TRERF1: variants seen among roughly 807,000 people sequenced by gnomAD.
The protein encoded by TRERF1 is transcriptional-regulating factor 1.
In TRERF1, 27 loss-of-function variants were observed where a neutral mutation model predicts 122.9. The observed-to-expected ratio is 0.22, with a 90% CI of 0.16 to 0.30. The LOEUF (loss-of-function observed/expected upper bound fraction) is 0.30. Among genes scored for constraint, TRERF1 ranks in the 10% least tolerant of loss-of-function variants. The pLI is 1.00. For missense variants in TRERF1, 1,248 were observed against 1,560.3 expected (o/e 0.80, Z 3.37); for synonymous variants, 636 against 641.7 (o/e 0.99, Z 0.13).
chr6:42,296,047 C>A (rs1243380356), intron 4 of TRERF1, among the ~76,000 whole-genome samples: 1 of 152,062 alleles, frequency 6.6e-6, no homozygotes, highest in African/African-American at 2.4e-5. Flanking sequence ...AGCAGTAATG[C>A]CATCCCTTGA....
chr6:42,365,491 C>T (rs1236935568), intron 2 of TRERF1, among the ~76,000 whole-genome samples: 2 of 152,178 alleles, frequency 1.3e-5, no homozygotes, highest in Non-Finnish European at 2.9e-5. Context: ...CCTAATCCCT[C>T]CCAGTCACAA....
chr6:42,434,900 G>A (rs1433620988), intron 2 of TRERF1, among the ~76,000 whole-genome samples: 2 of 152,108 alleles, frequency 1.3e-5, no homozygotes, highest in Non-Finnish European at 2.9e-5. Context: ...GGCCAAGGCG[G>A]GCGGATCACC....
rs150908395 is a variant in TRERF1 at position 42,228,534 on chromosome 6, G to C, written c.3414C>G (p.Pro1138=). Residue 1138 remains proline, a synonymous_variant, in exon 18 of 18, where the codon CCC becomes CCG. Transcript: ENST00000372922. This position sits in a 1 kb window ranked among gnomAD's most constrained non-coding sequence, Gnocchi z 4.2. ...GGGGCAGCAGCCCCGGCGCCCCCACGGGCCCCGTAGTCCTCTCAATCGTGG... is the reference window on the plus strand; with the variant it reads ...GGGGCAGCAGCCCCGGCGCCCCCACCGGCCCCGTAGTCCTCTCAATCGTGG... 436 of 1,614,134 alleles carry C rather than the reference G, an allele frequency of 2.7e-4. No individual in the cohort carries two copies. In the Middle Eastern group the frequency reaches 3.8e-3, roughly 14 times the overall value.
At chr6:42,270,184 T>C (rs1339396558) in intron 4 of TRERF1, among the ~76,000 whole-genome samples, 1 of 150,976 alleles carries the variant, frequency 6.6e-6, no homozygotes, top group South Asian at 2.1e-4. Flanking sequence ...AAACCGCACC[T>C]CTCTCTCTCT....
chr6:42,258,795 C>T (rs1327443242), intron 9 of TRERF1, among the ~76,000 whole-genome samples: 1 of 152,052 alleles, frequency 6.6e-6, no homozygotes, highest in Non-Finnish European at 1.5e-5. Flanking sequence ...AGTGCAGTGG[C>T]ATGATCTTGG....
chr6:42,371,413 G>T (rs1773735685), intron 2 of TRERF1, among the ~76,000 whole-genome samples: 1 of 152,160 alleles, frequency 6.6e-6, no homozygotes, highest in Non-Finnish European at 1.5e-5. Context: ...GCCAACAGGA[G>T]TGGGTGGCAA....
chr6:42,340,032 C>T (rs568968606), intron 3 of TRERF1, among the ~76,000 whole-genome samples: 2 of 152,240 alleles, frequency 1.3e-5, no homozygotes, highest in South Asian at 2.1e-4. Flanking sequence ...AATGGCACCA[C>T]GTCTTTCCAC....
At chr6:42,440,612 T>C (rs1786332922) in intron 2 of TRERF1, among the ~76,000 whole-genome samples, 1 of 152,222 alleles carries the variant, frequency 6.6e-6, no homozygotes, top group Admixed American at 6.5e-5. Context: ...AGGCTCTTCT[T>C]GGTGTGCTCT....
chr6:42,430,027 C>T (rs1348489440), intron 2 of TRERF1, among the ~76,000 whole-genome samples: 1 of 151,776 alleles, frequency 6.6e-6, no homozygotes, highest in African/African-American at 2.4e-5. Flanking sequence ...GAGAGGACGG[C>T]TGTGCAAAGG....
chr6:42,448,476 C>T (rs1173767285), intron 2 of TRERF1, among the ~76,000 whole-genome samples: 14 of 152,132 alleles, frequency 9.2e-5, no homozygotes, highest in African/African-American at 3.1e-4. Context: ...ACTCAAGAGA[C>T]CTTTCTGGAA....
intron 4 of TRERF1, among the ~76,000 whole-genome samples, chr6:42,278,451 T>C (rs970161212): frequency 1.3e-5 from 2 of 152,196 alleles, no homozygotes; most frequent in African/African-American, 2.4e-5. Flanking sequence ...CTACAGCCTA[T>C]GGTTCCAAGG....
At position 42,287,215 on chromosome 6, in the gene TRERF1, C is replaced by T. The variant is rs527811146; in HGVS notation, c.-259+13423G>A. On this transcript the variant is annotated intron_variant, in intron 4 of 17. Transcript: ENST00000372922. The stretch of plus-strand genomic sequence containing the variant: ...CTAGATGACGAGTTAGTGGGTGCAG[C>T]GCACCAGCATGGCACATGTACACAT... Among the ~76,000 whole-genome samples, 32 of 148,240 alleles carry T rather than the reference C, an allele frequency of 2.2e-4. 1 individual carries two copies. The East Asian group carries it at 4.4e-3, about 20-fold the overall frequency.
At chr6:42,264,714 T>C (rs763155479) in exon 7 of TRERF1, 6 of 1,613,898 alleles carry the variant, frequency 3.7e-6, no homozygotes, top group Non-Finnish European at 5.1e-6. Context: ...CTGTTTGAGG[T>C]TGGGGGAGGC....
intron 3 of TRERF1, among the ~76,000 whole-genome samples, chr6:42,357,833 A>G (rs1381328161): frequency 3.3e-5 from 5 of 152,170 alleles, no homozygotes; most frequent in Non-Finnish European, 7.4e-5. Flanking sequence ...AGAATGAGTA[A>G]TGTTTAGTTA....
intron 2 of TRERF1, among the ~76,000 whole-genome samples, chr6:42,439,939 T>C (rs1041977682): frequency 5.3e-5 from 8 of 152,214 alleles, no homozygotes; most frequent in African/African-American, 1.9e-4. Flanking sequence ...TGACGGTCCT[T>C]CACTAGACTC....
chr6:42,227,169 AT>A (rs1276006046), exon 18 of TRERF1: 3 of 152,252 alleles, frequency 2.0e-5, no homozygotes, highest in African/African-American at 4.8e-5. Context: ...TGATGAATAC[AT>A]TCATTGTTTG....
chr6:42,247,465 G>A lies in TRERF1; in HGVS notation c.2657-921C>T, dbSNP rs538653274. ...GATGATGAGCCCATTTGACAAATGA[G>A]GAAATGGAGGTTTTCAAAGAACGAC... On this transcript the variant is annotated intron_variant, in intron 13 of 17. Coordinates refer to ENST00000372922, the Ensembl canonical transcript of TRERF1. 1.7e-4 allele frequency among the ~76,000 whole-genome samples: 26 copies of A among 152,294 alleles called. No individual in the cohort carries two copies. The South Asian group carries it at 5.2e-3, about 30-fold the overall frequency.
chr6:42,420,457 C>T (rs1782600763), intron 2 of TRERF1, among the ~76,000 whole-genome samples: 1 of 152,080 alleles, frequency 6.6e-6, no homozygotes, highest in South Asian at 2.1e-4. Context: ...AGAATGCTGC[C>T]GGCAGCCTCT....
chr6:42,378,847 G>T (rs1467608159), intron 2 of TRERF1, among the ~76,000 whole-genome samples: 1 of 152,148 alleles, frequency 6.6e-6, no homozygotes. Context: ...CTGGGCCGGT[G>T]GCTCATACCT....
Sources: gnomAD v4.1 joint callset for allele counts (sites outside exome capture counted in the v4.1 genomes callset) on GRCh38, gnomAD v4.1.1 for gene constraint, Gnocchi (gnomAD v3.1) non-coding constraint, MANE v1.5 for transcripts, NCBI Gene and HGNC (gene_info 2026-07-23, HGNC 2026-07-21) for gene names.